LARGE1: variants seen among roughly 807,000 people sequenced by gnomAD.
The protein encoded by LARGE1 is xylosyl- and glucuronyltransferase LARGE1.
Under a neutral mutation model 87.6 loss-of-function variants are expected in LARGE1, and 43 were observed. The ratio of observed to expected loss-of-function variants is 0.49; its 90% CI spans 0.38 to 0.63. The LOEUF (loss-of-function observed/expected upper bound fraction) is 0.63. Among genes scored for constraint, LARGE1 ranks in the 30% least tolerant of loss-of-function variants. The pLI is 0.00. For synonymous variants in LARGE1, 434 were observed against 394.6 expected (o/e 1.10, Z -1.18); for missense variants, 802 against 1,000.2 (o/e 0.80, Z 2.67).
At position 33,499,326 on chromosome 22, in the gene LARGE1, C is replaced by A. The variant is rs368918241; in HGVS notation, c.787+65522G>T. Among the ~76,000 whole-genome samples the A allele has an allele frequency of 2.0e-5, 3 of 152,326 alleles. No individual in the cohort carries two copies. The East Asian group carries it at 5.8e-4, about 29-fold the overall frequency. On this transcript the variant is annotated intron_variant, in intron 6 of 14. Coordinates refer to ENST00000397394, the MANE Select transcript of LARGE1 (RefSeq NM_133642.5). ...GCCGTTCGGTTTAGATGGGACTGAC[C>A]TCATCCCTGTTCAAAGTATGGGCCC...
chr22:33,174,734 A>G (rs1304050976), intron 11 of LARGE1, among the ~76,000 whole-genome samples: 2 of 152,178 alleles, frequency 1.3e-5, no homozygotes, highest in Non-Finnish European at 2.9e-5. Context: ...GTAAACTACA[A>G]AATCTAGGAG....
chr22:33,698,422 C>T (rs540682392), intron 2 of LARGE1, among the ~76,000 whole-genome samples: 1 of 146,328 alleles, frequency 6.8e-6, no homozygotes, highest in Non-Finnish European at 1.5e-5. Context: ...TGCCTCAGCC[C>T]CCTGAGTAGC....
the LARGE1 span, among the ~76,000 whole-genome samples, chr22:33,080,049 T>C: frequency 6.6e-6 from 1 of 152,172 alleles, no homozygotes; most frequent in African/African-American, 2.4e-5. Flanking sequence ...CTTCTGTGGA[T>C]CCTCCCCTCT....
At chr22:33,169,281 C>T (rs937421069) in intron 11 of LARGE1, among the ~76,000 whole-genome samples, 5 of 152,034 alleles carry the variant, frequency 3.3e-5, no homozygotes, top group Non-Finnish European at 5.9e-5. Flanking sequence ...TAAAACATTT[C>T]ATCATCTTCC....
intron 6 of LARGE1, among the ~76,000 whole-genome samples, chr22:33,473,463 C>T (rs2068940175): frequency 6.6e-6 from 1 of 152,224 alleles, no homozygotes; most frequent in African/African-American, 2.4e-5. Context: ...GATTCTCCCG[C>T]CTCAGCCTCC....
the LARGE1 span, among the ~76,000 whole-genome samples, chr22:33,095,421 C>T: frequency 6.6e-6 from 1 of 152,154 alleles, no homozygotes; most frequent in African/African-American, 2.4e-5. Flanking sequence ...CTTATAAAGA[C>T]ACTAGTCACT....
Position 33,522,932 on chromosome 22 carries a change from C to T in LARGE1, c.787+41916G>A, listed in dbSNP as rs117193980. Among the ~76,000 whole-genome samples the T allele has an allele frequency of 2.5e-3, 376 of 152,172 alleles. 4 individuals carry two copies. In the East Asian group the frequency reaches 0.028, roughly 11 times the overall value. On this transcript the variant is annotated intron_variant, in intron 6 of 14. Transcript: ENST00000397394. ...CTGAGGTGGGAGGATGGCTTGAGCCCGGGAGGTAGAGGCTGCGGTGAGCCA... is the reference window on the plus strand; with the variant it reads ...CTGAGGTGGGAGGATGGCTTGAGCCTGGGAGGTAGAGGCTGCGGTGAGCCA...
At chr22:33,294,164 G>A (rs574423431) in intron 12 of LARGE1, among the ~76,000 whole-genome samples, 65 of 152,324 alleles carry the variant, frequency 4.3e-4, no homozygotes, top group Non-Finnish European at 7.2e-4. Context: ...AGGTTTCCAC[G>A]CCTGTAACAG....
intron 2 of LARGE1, among the ~76,000 whole-genome samples, chr22:33,666,200 A>G (rs1603054700): frequency 6.6e-6 from 1 of 152,348 alleles, no homozygotes; most frequent in Admixed American, 6.5e-5. Context: ...GAATAACAAG[A>G]GAATCCAAAT....
At chr22:33,353,855 T>C (rs1940641144) in intron 9 of LARGE1, among the ~76,000 whole-genome samples, 1 of 152,222 alleles carries the variant, frequency 6.6e-6, no homozygotes, top group Non-Finnish European at 1.5e-5. Context: ...CTTGACTCCA[T>C]CATTGCTAAG....
chr22:33,768,591 T>G (rs2084976623), intron 1 of LARGE1, among the ~76,000 whole-genome samples: 1 of 152,154 alleles, frequency 6.6e-6, no homozygotes, highest in South Asian at 2.1e-4. Context: ...TCTCCCTTTT[T>G]GCTTCTCAAC....
At position 33,513,626 on chromosome 22, in the gene LARGE1, T is replaced by C. The variant is rs112252663; in HGVS notation, c.787+51222A>G. ...AAACAAACACATGCAAGAGAGGAAA[T>C]TAAGTAAAATCTGTCTGGATTGCAA... is the stretch of plus-strand genomic sequence containing the variant. On this transcript the variant is annotated intron_variant, in intron 6 of 14. Transcript: ENST00000397394. Among the ~76,000 whole-genome samples the C allele has an allele frequency of 6.8e-3, 1,032 of 152,128 alleles. 8 individuals carry two copies. The highest frequency in any genetic ancestry group is 0.023 in the African/African-American group (971 of 41,508).
chr22:33,794,706 C>CA (rs2085927395), intron 1 of LARGE1, among the ~76,000 whole-genome samples: 2 of 202 alleles, frequency 9.9e-3, no homozygotes, highest in African/African-American at 0.028. Flanking sequence ...CTGCAACCTC[C>CA]GCTCCCGGGT....
At chr22:33,262,245 C>A (rs1231240879) in intron 11 of LARGE1, among the ~76,000 whole-genome samples, 3 of 152,222 alleles carry the variant, frequency 2.0e-5, no homozygotes, top group African/African-American at 7.2e-5. Context: ...AAGAATGGAG[C>A]TCTCATGCCC....
chr22:33,854,445 A>G (rs186253559), intron 1 of LARGE1, among the ~76,000 whole-genome samples: 26 of 152,242 alleles, frequency 1.7e-4, no homozygotes, highest in Non-Finnish European at 2.5e-4. Flanking sequence ...ATCGGCTCAC[A>G]TCAGCCTTCT....
At chr22:33,864,736 C>T (rs1307652965) in intron 1 of LARGE1, among the ~76,000 whole-genome samples, 2 of 152,164 alleles carry the variant, frequency 1.3e-5, no homozygotes, top group African/African-American at 4.8e-5. Flanking sequence ...TTTAAGTGGC[C>T]AAAGCCCACA....
chr22:33,625,382 G>A (rs942773257), intron 4 of LARGE1, among the ~76,000 whole-genome samples: 1 of 152,208 alleles, frequency 6.6e-6, no homozygotes, highest in Non-Finnish European at 1.5e-5. Flanking sequence ...GAAGAGATGA[G>A]CATCCAGAGG....
intron 6 of LARGE1, among the ~76,000 whole-genome samples, chr22:33,448,437 G>A (rs1035614193): frequency 3.3e-5 from 5 of 152,112 alleles, no homozygotes; most frequent in African/African-American, 1.2e-4. Flanking sequence ...AGAAAAGAAA[G>A]TATTACTTGG....
At chr22:33,157,732 A>T (rs374935612), downstream of LARGE1, among the ~76,000 whole-genome samples, 31 of 152,290 alleles carry the variant, frequency 2.0e-4, no homozygotes, top group South Asian at 6.2e-3. Context: ...TTCTTTTAGT[A>T]CTCATCGTAG....
Sources: allele counts gnomAD v4.1 joint callset (sites outside exome capture counted in the v4.1 genomes callset), GRCh38; gene constraint gnomAD v4.1.1; transcripts MANE v1.5; gene names NCBI Gene and HGNC (gene_info 2026-07-23, HGNC 2026-07-21).